The following TCN1 variants were observed in gnomAD, a reference collection of about 807,000 sequenced individuals.
TCN1 encodes the protein transcobalamin-1.
TCN1 carries 47 observed loss-of-function variants against 46.3 expected under a neutral mutation model. That is an observed-to-expected ratio of 1.01 (90% CI 0.80 to 1.29). The LOEUF (loss-of-function observed/expected upper bound fraction) is 1.29, where lower values mean the gene tolerates loss of function less well. Ranked by LOEUF, TCN1 falls within the 50% of genes most tolerant of loss-of-function variation. The pLI, the probability that TCN1 is intolerant of heterozygous loss-of-function variation, is 0.00. For synonymous variants in TCN1, 183 were observed against 192.5 expected (o/e 0.95, Z 0.41); for missense variants, 532 against 511.0 (o/e 1.04, Z -0.40).
intron 5 of TCN1, 27 bp from the exon 6 acceptor site, chr11:59,856,085 G>GGGGGGGGGGGGGGGGGC: frequency 3.4e-6 from 2 of 585,326 alleles, no homozygotes; most frequent in Non-Finnish European, 6.4e-6. Flanking sequence ...GGGTGGGGGG[G>GGGGGGGGGGGGGGGGGC]TGATGAGAGA....
At chr11:59,863,859 A>G (rs774381248) in intron 2 of TCN1, 48 bp downstream of exon 2, 100 of 1,605,594 alleles carry the variant, frequency 6.2e-5, no homozygotes, top group Non-Finnish European at 7.8e-5. Flanking sequence ...GATAATCTTT[A>G]AATAGGTAGA....
chr11:59,855,952 T>C lies in TCN1; in HGVS notation c.854A>G (p.Asn285Ser). 6.2e-7 allele frequency: 1 copy of C among 1,613,796 alleles called. No individual in the cohort carries two copies. Among genetic ancestry groups the C allele is most frequent in the Non-Finnish European group, 8.5e-7 (1 of 1,179,790 alleles). Residue 285 changes from asparagine to serine, a missense_variant, in exon 6 of 9, where the codon AAC (asparagine) becomes AGC (serine). By Grantham distance (46) the Asn-to-Ser change is conservative. Coordinates refer to ENST00000257264, the MANE Select transcript of TCN1 (RefSeq NM_001062.4). ...GGCAGGTAAGACCTGGGCTGCAGCG[T>C]TTGGATTGCTGAATGCTCCTTGAGA... is the stretch of plus-strand genomic sequence containing the variant. Reference protein sequence around the residue: ...EISQGAFSNPNAAAQVLPALM... With the variant: ...EISQGAFSNPSAAAQVLPALM...
In TCN1 at chr11:59,855,932, G is replaced by A; in HGVS notation, c.874C>T (p.Pro292Ser). 6.2e-7 allele frequency: 1 copy of A among 1,613,868 alleles called. No homozygotes were observed. The highest frequency in any genetic ancestry group is 8.5e-7 in the Non-Finnish European group (1 of 1,179,810). ...AAGAAGGTCTTTCCCATCAGGGCAG[G>A]TAAGACCTGGGCTGCAGCGTTTGGA... ...SNPNAAAQVL[P>S]ALMGKTFLDI... The change falls in exon 6 of 9, where the codon CCT (proline) becomes TCT (serine). Residue 292 changes from proline (P) to serine (S), a missense_variant. Coordinates refer to ENST00000257264, the MANE Select transcript of TCN1 (RefSeq NM_001062.4).
chr11:59,856,249 A>G (rs1251934339), intron 5 of TCN1, among the ~76,000 whole-genome samples, 191 bp from the exon 6 acceptor site: 2 of 152,198 alleles, frequency 1.3e-5, no homozygotes, highest in Non-Finnish European at 2.9e-5. Flanking sequence ...CCAGAAGCTT[A>G]TAAACTAGTT....
chr11:59,853,740 G>A (rs1866692666), intron 7 of TCN1, among the ~76,000 whole-genome samples: 1 of 152,160 alleles, frequency 6.6e-6, no homozygotes. Context: ...TTAGAAAAGA[G>A]GAACAGGAAA....
chr11:59,856,198 C>T (rs1852936112), intron 5 of TCN1, 140 bp from the exon 6 acceptor site: 2 of 680,722 alleles, frequency 2.9e-6, no homozygotes, highest in Non-Finnish European at 5.0e-6. Context: ...CATTGACTAC[C>T]TAGGAAGCAC....
At position 59,866,311 on chromosome 11, in the gene TCN1, G is replaced by A. The variant is rs568380655; in HGVS notation, c.79+81C>T. The A allele has an allele frequency of 6.5e-5, 92 of 1,408,834 alleles. No individual in the cohort carries two copies. The East Asian group carries it at 1.5e-3, about 23-fold the overall frequency. 87.3% of individuals were successfully genotyped at this position (1,408,834 alleles called of 1,614,324 possible). A position where few individuals can be genotyped will look rare whatever the true frequency, so the allele number is the denominator to read the frequency against. On this transcript the variant is annotated intron_variant, in intron 1 of 8. Transcript: ENST00000257264. ...GAAACTGGAATGGGATCTTTTCTCA[G>A]GTAACTCTACATAGAGTCTCTTGTC...
intron 3 of TCN1, 141 bp downstream of exon 3, chr11:59,862,441 A>G (rs1853025174): frequency 9.8e-7 from 1 of 1,017,786 alleles, no homozygotes; most frequent in Admixed American, 2.1e-5. Flanking sequence ...ATACTGAAAG[A>G]GAAAAAGGGA....
In TCN1 at chr11:59,854,836, C is replaced by G. The variant is rs781153859; in HGVS notation, c.938-1G>C. The stretch of plus-strand genomic sequence containing the variant: ...TCATCAGCGGAGATGTTGAAGTTAC[C>G]TGGCAGAGACAGAAAAGCCCAGAGC... On this transcript the variant is annotated splice_acceptor_variant, in intron 6 of 8. Coordinates refer to ENST00000257264, the MANE Select transcript of TCN1 (RefSeq NM_001062.4). LOFTEE classifies it high-confidence loss of function. 1 of 1,613,834 alleles carries G rather than the reference C, an allele frequency of 6.2e-7. No individual in the cohort carries two copies. Among genetic ancestry groups the G allele is most frequent in the South Asian group, 1.1e-5 (1 of 91,066 alleles).
At chr11:59,860,806 G>A (rs562372578) in intron 4 of TCN1, among the ~76,000 whole-genome samples, 5 of 152,252 alleles carry the variant, frequency 3.3e-5, no homozygotes, top group Non-Finnish European at 5.9e-5. Context: ...CTTTAGCATG[G>A]GACCTTTCCT....
At chr11:59,861,504 G>A in intron 4 of TCN1, 23 bp downstream of exon 4, 1 of 1,613,080 alleles carries the variant, frequency 6.2e-7, no homozygotes, top group Non-Finnish European at 8.5e-7. Flanking sequence ...TCTGTACCAA[G>A]GGAATTGGGC....
chr11:59,856,066 G>T lies in TCN1; in HGVS notation c.748-8C>A. On this transcript the variant is annotated splice_polypyrimidine_tract_variant and splice_region_variant and intron_variant, in intron 5 of 8. Coordinates refer to ENST00000257264, the MANE Select transcript of TCN1 (RefSeq NM_001062.4). ...TGATGATACAAAGAGGGCCTAATGAGGCAGGGTGGGGTGGGGGGGTGATGA... is the reference window on the plus strand; with the variant it reads ...TGATGATACAAAGAGGGCCTAATGATGCAGGGTGGGGTGGGGGGGTGATGA... 6.7e-7 allele frequency: 1 copy of T among 1,483,658 alleles called. No homozygotes were observed. The highest frequency in any genetic ancestry group is 9.1e-7 in the Non-Finnish European group (1 of 1,096,770). 91.9% of individuals were successfully genotyped at this position (1,483,658 alleles called of 1,614,324 possible).
Position 59,859,234 on chromosome 11 carries a change from C to G in TCN1, c.590G>C (p.Cys197Ser). The change falls in exon 5 of 9, where the codon TGT becomes TCT. Residue 197 changes from cysteine (C) to serine (S), a missense_variant. Cys to Ser is a moderately radical substitution (Grantham distance 112). Coordinates refer to ENST00000257264, the MANE Select transcript of TCN1 (RefSeq NM_001062.4). ...TGAMAVLALT[C>S]VKKSLINGQI... ...CCCATTTATTAGACTCTTCTTCACA[C>G]AGGTCAGAGCCAGGACAGCCATTGC... The G allele has an allele frequency of 6.2e-7, 1 of 1,613,982 alleles. No individual in the cohort carries two copies. Among genetic ancestry groups the G allele is most frequent in the Non-Finnish European group, 8.5e-7 (1 of 1,180,022 alleles).
At position 59,856,078 on chromosome 11, in the gene TCN1, TGGGGG is replaced by T; in HGVS notation, c.748-25_748-21del. 1.9e-5 allele frequency: 6 copies of T among 323,536 alleles called. No individual in the cohort carries two copies. Among genetic ancestry groups the T allele is most frequent in the Non-Finnish European group, 3.4e-5 (6 of 178,428 alleles). The allele number at this position is 323,536 out of a possible 1,614,324, so 20.0% of individuals were successfully genotyped here. On this transcript the variant is annotated intron_variant, in intron 5 of 8. Transcript: ENST00000257264. ...GAGGGCCTAATGAGGCAGGGTGGGG[TGGGGG>T]GGTGATGAGAGATAAAGAGAGACAG...
intron 3 of TCN1, among the ~76,000 whole-genome samples, chr11:59,861,965 A>G (rs575929782): frequency 6.6e-6 from 1 of 152,356 alleles, no homozygotes; most frequent in East Asian, 1.9e-4. Context: ...TTAGGGCCAG[A>G]ATACAGGTTT....
chr11:59,855,469 G>T (rs1203700725), intron 6 of TCN1, among the ~76,000 whole-genome samples: 3 of 152,084 alleles, frequency 2.0e-5, no homozygotes. Context: ...TTGAATACTG[G>T]CATATCACTT....
At position 59,856,844 on chromosome 11, in the gene TCN1, CTAAT is replaced by C. The variant is rs547580646; in HGVS notation, c.748-790_748-787del. Among the ~76,000 whole-genome samples the C allele has an allele frequency of 2.3e-3, 352 of 152,250 alleles. 3 individuals carry two copies. The highest frequency in any genetic ancestry group is 7.4e-3 in the African/African-American group (309 of 41,530). ...CATTATTTGATTGACAATGGGGAGTCTAATTGTTCATTAAACAGAAACTCTCCTG... is the reference window on the plus strand; with the variant it reads ...CATTATTTGATTGACAATGGGGAGTCTGTTCATTAAACAGAAACTCTCCTG... On this transcript the variant is annotated intron_variant, in intron 5 of 8. Coordinates refer to ENST00000257264, the MANE Select transcript of TCN1 (RefSeq NM_001062.4).
intron 2 of TCN1, among the ~76,000 whole-genome samples, chr11:59,863,066 CAT>C (rs1853034453): frequency 1.3e-5 from 2 of 152,110 alleles, no homozygotes; most frequent in Admixed American, 6.6e-5. Context: ...TGTATCTAAA[CAT>C]ATCCAAGCAC....
At chr11:59,857,614 T>A (rs1325169929) in intron 5 of TCN1, among the ~76,000 whole-genome samples, 1 of 152,132 alleles carries the variant, frequency 6.6e-6, no homozygotes, top group Non-Finnish European at 1.5e-5. Flanking sequence ...TAGCCCTGAG[T>A]CAGCCTGGAA....
Sources: allele counts gnomAD v4.1 joint callset (sites outside exome capture counted in the v4.1 genomes callset), GRCh38; gene constraint gnomAD v4.1.1; transcripts MANE v1.5; gene names NCBI Gene and HGNC (gene_info 2026-07-23, HGNC 2026-07-21).